OPA3: variants seen among roughly 807,000 people sequenced by gnomAD.
The protein encoded by OPA3 is outer mitochondrial membrane lipid metabolism regulator OPA3.
Under a neutral mutation model 4.0 loss-of-function variants are expected in OPA3, and 6 were observed. The observed-to-expected ratio is 1.51, with a 90% confidence interval of 0.83 to 2.99. The LOEUF (loss-of-function observed/expected upper bound fraction) is 2.99. Ranked by LOEUF, OPA3 falls within the 30% of genes most tolerant of loss-of-function variation. The probability of loss-of-function intolerance (pLI) is 0.00; values close to 1 mark genes in which losing one functional copy is unlikely to be tolerated. For synonymous variants in OPA3, 105 were observed against 117.1 expected (o/e 0.90, Z 0.67); for missense variants, 235 against 256.2 (o/e 0.92, Z 0.56).
chr19:45,546,583 A>T lies in OPA3; in HGVS notation c.*6931T>A, dbSNP rs966291996. 5.1e-5 allele frequency: 10 copies of T among 197,664 alleles called. No homozygotes were observed. Among genetic ancestry groups the T allele is most frequent in the Non-Finnish European group, 9.1e-5 (10 of 110,204 alleles). The allele number at this position is 197,664 out of a possible 1,614,324, so 12.2% of individuals were successfully genotyped here. ...TGATCTCAGTTCACTGCAGCCTTAA[A>T]CACCCGGGTTCAAGCGATCCTCCTG... On this transcript the variant is annotated 3_prime_UTR_variant, in exon 2 of 2. Coordinates refer to ENST00000263275, the MANE Select transcript of OPA3 (RefSeq NM_025136.4).
chr19:45,534,072 T>C (rs970190284), intron 1 of OPA3, among the ~76,000 whole-genome samples: 3 of 152,204 alleles, frequency 2.0e-5, no homozygotes, highest in African/African-American at 4.8e-5. Flanking sequence ...AACCTTCCAA[T>C]TGAAGGAATC....
intron 1 of OPA3, among the ~76,000 whole-genome samples, chr19:45,561,978 A>T (rs1969509537): frequency 6.6e-6 from 1 of 151,732 alleles, no homozygotes; most frequent in Admixed American, 6.6e-5. Flanking sequence ...AATAAAATAA[A>T]AATAAAAAAA....
chr19:45,544,469 G>T (rs948251468), downstream of OPA3, among the ~76,000 whole-genome samples: 2 of 152,144 alleles, frequency 1.3e-5, no homozygotes, highest in African/African-American at 4.8e-5. Context: ...AGACCAGCCT[G>T]GCCAACACGA....
At position 45,549,253 on chromosome 19, in the gene OPA3, C is replaced by T. The variant is rs760047356; in HGVS notation, c.*4261G>A. ...CACGAGCAGTGAACCATCCTCTGGC[C>T]TCTTGCATTTTGAGAGGACGTTCTT... On this transcript the variant is annotated 3_prime_UTR_variant, in exon 2 of 2. Transcript: ENST00000263275. 2 of 985,302 alleles carry T rather than the reference C, an allele frequency of 2.0e-6. No individual in the cohort carries two copies. Among genetic ancestry groups the T allele is most frequent in the African/African-American group, 1.7e-5 (1 of 57,228 alleles). 61.0% of individuals were successfully genotyped at this position (985,302 alleles called of 1,614,324 possible).
chr19:45,553,630 C>A lies in OPA3; in HGVS notation c.424G>T (p.Ala142Ser), dbSNP rs535683352. The change falls in exon 2 of 2, where the codon GCG becomes TCG. Residue 142 changes from alanine to serine, a missense_variant. Coordinates refer to ENST00000263275, the MANE Select transcript of OPA3 (RefSeq NM_025136.4). Reference protein sequence around the residue: ...ALEALQAQVQAAPPQGALEEL... With the variant: ...ALEALQAQVQSAPPQGALEEL... ...TCCAGGGCGCCCTGTGGCGGCGCCGCCTGCACCTGCGCCTGCAGCGCTTCC... is the reference window on the plus strand; with the variant it reads ...TCCAGGGCGCCCTGTGGCGGCGCCGACTGCACCTGCGCCTGCAGCGCTTCC... The A allele has an allele frequency of 2.7e-5, 43 of 1,606,430 alleles. No homozygotes were observed. Among genetic ancestry groups the A allele is most frequent in the Non-Finnish European group, 3.4e-5 (40 of 1,178,520 alleles).
chr19:45,561,967 A>C (rs1342426123), intron 1 of OPA3, among the ~76,000 whole-genome samples: 3 of 151,732 alleles, frequency 2.0e-5, no homozygotes, highest in Non-Finnish European at 4.4e-5. Flanking sequence ...ATAAATAATA[A>C]AATAAAATAA....
chr19:45,543,100 C>CCTGGGTTTAAGTGA (rs1969205915), downstream of OPA3, among the ~76,000 whole-genome samples: 1 of 151,836 alleles, frequency 6.6e-6, no homozygotes, highest in African/African-American at 2.4e-5. Flanking sequence ...ACCTCCAACT[C>CCTGGGTTTAAGTGA]TCCAGCTCAA....
Position 45,551,644 on chromosome 19 carries a change from C to G in OPA3, c.*1870G>C, listed in dbSNP as rs1387159159. On this transcript the variant is annotated 3_prime_UTR_variant, in exon 2 of 2. Coordinates refer to ENST00000263275, the MANE Select transcript of OPA3 (RefSeq NM_025136.4). ...TAAATTCCTGTTGGACTTAAGCCAT[C>G]AAGTTCACCACCCAATGGTGATCTG... is the stretch of plus-strand genomic sequence containing the variant. The G allele has an allele frequency of 1.1e-6, 1 of 903,734 alleles. No individual in the cohort carries two copies. Among genetic ancestry groups the G allele is most frequent in the East Asian group, 1.2e-4 (1 of 8,450 alleles). The allele number at this position is 903,734 out of a possible 1,614,324, so 56.0% of individuals were successfully genotyped here.
chr19:45,575,434 A>G (rs1969751889), intron 1 of OPA3, among the ~76,000 whole-genome samples: 1 of 152,088 alleles, frequency 6.6e-6, no homozygotes, highest in South Asian at 2.1e-4. Context: ...TCAGATGGCT[A>G]TGTAGAAAAA....
intron 1 of OPA3, among the ~76,000 whole-genome samples, chr19:45,567,326 G>A (rs546825375): frequency 3.2e-4 from 47 of 148,696 alleles, no homozygotes; most frequent in African/African-American, 1.1e-3. Flanking sequence ...GGTGACAGGG[G>A]GAGACCCTGT....
intron 1 of OPA3, among the ~76,000 whole-genome samples, chr19:45,571,140 A>AT (rs1969660533): frequency 6.6e-6 from 1 of 151,618 alleles, no homozygotes; most frequent in African/African-American, 2.4e-5. Context: ...TTATTTATTT[A>AT]CTTATTTTAT....
chr19:45,529,715 A>AT (rs1224487177), intron 1 of OPA3, among the ~76,000 whole-genome samples: 8 of 152,096 alleles, frequency 5.3e-5, no homozygotes, highest in Non-Finnish European at 8.8e-5. Flanking sequence ...GAAGATGCTG[A>AT]TGCTCTTTTT....
rs1261120062 is a variant in OPA3, at chr19:45,548,331, C to T, written c.*5183G>A. ...TGCCTCCCTCCAGGCAATGGCCTGC[C>T]CTACAGAGAAACCAACAAGAGGGAC... On this transcript the variant is annotated 3_prime_UTR_variant, in exon 2 of 2. Transcript: ENST00000263275. The T allele has an allele frequency of 3.0e-6, 3 of 985,382 alleles. No individual in the cohort carries two copies. Among genetic ancestry groups the T allele is most frequent in the Non-Finnish European group, 3.6e-6 (3 of 829,998 alleles). The allele number at this position is 985,382 out of a possible 1,614,324, so 61.0% of individuals were successfully genotyped here.
In OPA3 at chr19:45,552,757, C is replaced by A. The variant is rs1356634752; in HGVS notation, c.*757G>T. ...ATGGTGCCATCTTGGCTCACCGCAA[C>A]CTCCACCTCATGGGTTCAAGCAATT... On this transcript the variant is annotated 3_prime_UTR_variant, in exon 2 of 2. Transcript: ENST00000263275. 1.9e-5 allele frequency: 3 copies of A among 154,178 alleles called. No homozygotes were observed. The East Asian group carries it at 5.8e-4, about 30-fold the overall frequency. The allele number at this position is 154,178 out of a possible 1,614,324, so 9.6% of individuals were successfully genotyped here. A position where few individuals can be genotyped will look rare whatever the true frequency, so the allele number is the denominator to read the frequency against.
chr19:45,559,387 CTTTTTCTTTCTTT>C (rs1274445048), intron 1 of OPA3, among the ~76,000 whole-genome samples: 1 of 108,348 alleles, frequency 9.2e-6, no homozygotes, highest in Non-Finnish European at 1.7e-5. Context: ...TTCTTTCCCT[CTTTTTCTTTCTTT>C]TTTTTTTTTT....
At position 45,562,993 on chromosome 19, in the gene OPA3, C is replaced by T. The variant is rs531760579; in HGVS notation, c.143-9082G>A. 3.0e-4 allele frequency among the ~76,000 whole-genome samples: 45 copies of T among 152,220 alleles called. No homozygotes were observed. In the Middle Eastern group the frequency reaches 0.01, roughly 35 times the overall value. On this transcript the variant is annotated intron_variant, in intron 1 of 1. Transcript: ENST00000263275. ...AAACAGAAACAGCCCCCAGGTGGCT[C>T]GACTGTGAGGAAATGGACCTTCTCA...
At chr19:45,532,995 G>A (rs1018434379) in intron 1 of OPA3, among the ~76,000 whole-genome samples, 3 of 151,634 alleles carry the variant, frequency 2.0e-5, no homozygotes, top group African/African-American at 7.3e-5. Context: ...AGGCTCAAGC[G>A]ATTCTCCTGC....
intron 1 of OPA3, 44 bp from the exon 2 acceptor site, chr19:45,553,955 T>C: frequency 6.6e-7 from 1 of 1,525,786 alleles, no homozygotes; most frequent in Non-Finnish European, 9.0e-7. Context: ...GGGAGCCCCC[T>C]GCAAGCCCCA....
At chr19:45,561,484 G>C (rs1969501796) in intron 1 of OPA3, among the ~76,000 whole-genome samples, 1 of 152,208 alleles carries the variant, frequency 6.6e-6, no homozygotes, top group Non-Finnish European at 1.5e-5. Context: ...TAAGGACACA[G>C]TAGTGACTGC....
Sources: allele counts gnomAD v4.1 joint callset (sites outside exome capture counted in the v4.1 genomes callset), GRCh38; gene constraint gnomAD v4.1.1; transcripts MANE v1.5; gene names NCBI Gene and HGNC (gene_info 2026-07-23, HGNC 2026-07-21).